The following PDK1 variants were observed in gnomAD, a reference collection of about 807,000 sequenced individuals.
PDK1 encodes the protein [Pyruvate dehydrogenase (acetyl-transferring)] kinase isozyme 1, mitochondrial.
PDK1 carries 39 observed loss-of-function variants against 54.2 expected under a neutral mutation model. The observed-to-expected ratio is 0.72, with a 90% CI of 0.56 to 0.94. PDK1 has a LOEUF of 0.94. PDK1 is among the 40% of genes least tolerant of loss of function. PDK1 has a pLI of 0.00. For missense variants in PDK1, 552 were observed against 566.0 expected, an observed-to-expected ratio of 0.98 and a Z score of 0.25; for synonymous variants, 221 against 207.1, an observed-to-expected ratio of 1.07 and a Z score of -0.58.
At chr2:172,614,202 T>G in the PDK1 span, among the ~76,000 whole-genome samples, 3 of 136,750 alleles carry the variant, frequency 2.2e-5, no homozygotes, top group African/African-American at 2.6e-5. Context: ...TCCCTGCAGG[T>G]TCAGGGGTAC....
intron 9 of PDK1, among the ~76,000 whole-genome samples, 199 bp from the exon 10 acceptor site, chr2:172,592,736 G>A (rs181179934): frequency 6.6e-6 from 1 of 152,262 alleles, no homozygotes; most frequent in Non-Finnish European, 1.5e-5. Context: ...AATGACCAGA[G>A]GGAAGTCAGC....
the PDK1 span, among the ~76,000 whole-genome samples, chr2:172,655,957 C>T: frequency 1.3e-5 from 2 of 152,136 alleles, no homozygotes; most frequent in African/African-American, 4.8e-5. Flanking sequence ...TTGGTTTCTT[C>T]GAAGACACAA....
the PDK1 span, among the ~76,000 whole-genome samples, chr2:172,714,487 G>T: frequency 1.3e-5 from 2 of 151,812 alleles, no homozygotes; most frequent in Admixed American, 1.3e-4. Context: ...TCAAAAATAT[G>T]CCTATGTTGA....
chr2:172,649,876 A>G, the PDK1 span, among the ~76,000 whole-genome samples: 1 of 152,224 alleles, frequency 6.6e-6, no homozygotes, highest in Non-Finnish European at 1.5e-5. Context: ...TGTACCTGAA[A>G]GTGATGGGGA....
chr2:172,673,846 T>A, the PDK1 span, among the ~76,000 whole-genome samples: 1 of 152,160 alleles, frequency 6.6e-6, no homozygotes, highest in African/African-American at 2.4e-5. Context: ...CATGGTTAAA[T>A]CCAAAACAAC....
chr2:172,585,131 G>A (rs959564639), intron 8 of PDK1, among the ~76,000 whole-genome samples: 1 of 151,760 alleles, frequency 6.6e-6, no homozygotes, highest in Admixed American at 6.6e-5. Flanking sequence ...CAAGTAGCTG[G>A]GATCACAGTT....
At chr2:172,563,962 C>T (rs1022601936) in intron 3 of PDK1, 3 of 465,538 alleles carry the variant, frequency 6.4e-6, no homozygotes, top group Non-Finnish European at 1.3e-5. Flanking sequence ...TACTTTTCCT[C>T]TCCCATTTTA....
At chr2:172,701,651 T>TTG in the PDK1 span, among the ~76,000 whole-genome samples, 1 of 124,320 alleles carries the variant, frequency 8.0e-6, no homozygotes, top group African/African-American at 4.0e-5. Flanking sequence ...TTGTTTTGTT[T>TTG]TTTTTTTTTT....
the PDK1 span, among the ~76,000 whole-genome samples, chr2:172,707,858 T>G: frequency 2.0e-5 from 3 of 152,214 alleles, no homozygotes; most frequent in Admixed American, 6.5e-5. Context: ...TAGAAATGTT[T>G]GCTTAAAGTT....
the PDK1 span, among the ~76,000 whole-genome samples, chr2:172,634,578 C>A: frequency 6.6e-6 from 1 of 152,042 alleles, no homozygotes; most frequent in East Asian, 1.9e-4. Context: ...CAGCCGTAAT[C>A]TACTTATTTT....
chr2:172,615,255 C>T, the PDK1 span, among the ~76,000 whole-genome samples: 2 of 152,218 alleles, frequency 1.3e-5, no homozygotes, highest in Admixed American at 6.5e-5. Flanking sequence ...AAATGCTCTA[C>T]TCTGAAAACA....
At chr2:172,562,186 A>G in intron 2 of PDK1, 34 bp from the exon 3 acceptor site, 1 of 1,176,870 alleles carries the variant, frequency 8.5e-7, no homozygotes, top group Non-Finnish European at 1.2e-6. Context: ...CAGAATATAA[A>G]AGAACAAACT....
At chr2:172,709,038 C>G in the PDK1 span, among the ~76,000 whole-genome samples, 5 of 149,896 alleles carry the variant, frequency 3.3e-5, no homozygotes, top group East Asian at 7.7e-4. Flanking sequence ...TTGTTTCTCT[C>G]TCTCTCTCTT....
At chr2:172,663,830 C>T in the PDK1 span, among the ~76,000 whole-genome samples, 4 of 152,156 alleles carry the variant, frequency 2.6e-5, 1 homozygote, top group Non-Finnish European at 5.9e-5. Context: ...TTCAAACTGT[C>T]TGTGAACCTA....
chr2:172,615,909 C>T, the PDK1 span, among the ~76,000 whole-genome samples: 772 of 152,274 alleles, frequency 5.1e-3, 6 homozygotes, highest in Non-Finnish European at 6.0e-3. Flanking sequence ...TACATTTATT[C>T]AACAAACATT....
chr2:172,579,519 C>CTCTT (rs1256391615), intron 8 of PDK1, among the ~76,000 whole-genome samples: 1 of 136,962 alleles, frequency 7.3e-6, no homozygotes, highest in African/African-American at 2.9e-5. Context: ...CCCTCCCCCG[C>CTCTT]TCTTTCTTTT....
At chr2:172,702,163 G>C in the PDK1 span, among the ~76,000 whole-genome samples, 1 of 152,108 alleles carries the variant, frequency 6.6e-6, no homozygotes, top group Non-Finnish European at 1.5e-5. Flanking sequence ...AGGGTGCATT[G>C]CTTGTGGGTT....
the PDK1 span, among the ~76,000 whole-genome samples, chr2:172,640,210 T>A: frequency 3.9e-5 from 6 of 152,226 alleles, no homozygotes; most frequent in African/African-American, 1.4e-4. Context: ...GATAGAAGGG[T>A]ACTTACTGGA....
chr2:172,588,024 G>T (rs1690357628), intron 9 of PDK1, among the ~76,000 whole-genome samples: 1 of 152,198 alleles, frequency 6.6e-6, no homozygotes, highest in African/African-American at 2.4e-5. Flanking sequence ...GCCCAGTCCA[G>T]CTGGTTTCAC....
Sources: gnomAD v4.1 joint callset for allele counts (sites outside exome capture counted in the v4.1 genomes callset) on GRCh38, gnomAD v4.1.1 for gene constraint, MANE v1.5 for transcripts, NCBI Gene and HGNC (gene_info 2026-07-23, HGNC 2026-07-21) for gene names.